PDE6C: variants seen among roughly 807,000 people sequenced by gnomAD.
PDE6C encodes phosphodiesterase 6C.
PDE6C carries 75 observed loss-of-function variants against 113.1 expected under a neutral mutation model. The observed-to-expected ratio is 0.66, with a 90% CI of 0.55 to 0.80. PDE6C has a LOEUF of 0.80. PDE6C is among the 30% of genes least tolerant of loss of function. The probability of loss-of-function intolerance (pLI) is 0.00; values close to 1 mark genes in which losing one functional copy is unlikely to be tolerated. For missense variants in PDE6C, 912 were observed against 1,038.6 expected (o/e 0.88, Z 1.67); for synonymous variants, 375 against 363.7 (o/e 1.03, Z -0.35).
intron 16 of PDE6C, among the ~76,000 whole-genome samples, chr10:93,657,328 A>ATTTTTTTTTTTTTTTTT (rs71031526): frequency 1.1e-5 from 1 of 88,286 alleles, no homozygotes; most frequent in Non-Finnish European, 2.0e-5. Flanking sequence ...CGCCTGGCTA[A>ATTTTTTTTTTTTTTTTT]TTTTTTTTTT....
chr10:93,662,735 C>A (rs115410399), intron 20 of PDE6C, 92 bp downstream of exon 20: 18 of 743,700 alleles, frequency 2.4e-5, no homozygotes, highest in Non-Finnish European at 3.9e-5. Flanking sequence ...GTCACCCATA[C>A]GGAAAGCCAT....
intron 11 of PDE6C, among the ~76,000 whole-genome samples, chr10:93,638,702 C>T (rs2134610023): frequency 6.6e-6 from 1 of 152,270 alleles, no homozygotes; most frequent in Admixed American, 6.5e-5. Context: ...GAGGAGTTCT[C>T]CAAAATTATC....
intron 10 of PDE6C, among the ~76,000 whole-genome samples, chr10:93,636,368 TTGTGTGTGTGTGTG>T (rs56143950): frequency 1.4e-5 from 2 of 141,256 alleles, no homozygotes; most frequent in Non-Finnish European, 3.0e-5. Flanking sequence ...TTCCCTGGCT[TTGTGTGTGTGTGTG>T]TGTGTGTGTG....
At chr10:93,641,770 C>A (rs951634767) in intron 14 of PDE6C, among the ~76,000 whole-genome samples, 2 of 152,204 alleles carry the variant, frequency 1.3e-5, no homozygotes, top group African/African-American at 4.8e-5. Flanking sequence ...CTACCCTTCA[C>A]CTCCCTGGTC....
At chr10:93,635,790 T>C (rs965384021) in intron 10 of PDE6C, 150 bp downstream of exon 10, 1 of 832,678 alleles carries the variant, frequency 1.2e-6, no homozygotes, top group South Asian at 1.5e-5. Context: ...GAAGAAGACA[T>C]GGATGGCCCA....
intron 16 of PDE6C, among the ~76,000 whole-genome samples, chr10:93,658,169 C>CAAAAAAAAAAA (rs71031527): frequency 8.3e-5 from 5 of 59,884 alleles, no homozygotes; most frequent in African/African-American, 1.9e-4. Context: ...GATTCTGTCT[C>CAAAAAAAAAAA]AAAAAAAAAA....
chr10:93,659,074 T>TA (rs767229024), intron 17 of PDE6C, 30 bp from the exon 18 acceptor site: 1 of 1,590,938 alleles, frequency 6.3e-7, no homozygotes, highest in Non-Finnish European at 8.6e-7. Flanking sequence ...TACTTATTTC[T>TA]ATTTTAAAAT....
intron 5 of PDE6C, 111 bp from the exon 6 acceptor site, chr10:93,626,529 G>A (rs1389379626): frequency 1.5e-6 from 1 of 680,724 alleles, no homozygotes; most frequent in South Asian, 1.7e-5. Flanking sequence ...AATATAATGT[G>A]GTTGGGAAAT....
chr10:93,658,102 C>T (rs531338327), intron 16 of PDE6C, among the ~76,000 whole-genome samples: 1 of 125,076 alleles, frequency 8.0e-6, no homozygotes, highest in Admixed American at 9.9e-5. Context: ...CCTAGGAGTT[C>T]AAGGTTCCAG....
chr10:93,636,018 G>C (rs1250156962), intron 10 of PDE6C, among the ~76,000 whole-genome samples: 1 of 152,148 alleles, frequency 6.6e-6, no homozygotes, highest in Non-Finnish European at 1.5e-5. Context: ...TCACATTTGT[G>C]GGTTGACCAG....
intron 1 of PDE6C, among the ~76,000 whole-genome samples, chr10:93,617,040 C>T (rs1589692011): frequency 6.6e-6 from 1 of 152,104 alleles, no homozygotes; most frequent in Non-Finnish European, 1.5e-5. Context: ...GTTTAAAAGT[C>T]CTCCTTCCTC....
In PDE6C at chr10:93,635,597, T is replaced by C; in HGVS notation, c.1370T>C (p.Met457Thr). 1.2e-6 allele frequency: 2 copies of C among 1,614,074 alleles called. No homozygotes were observed. The highest frequency in any genetic ancestry group is 1.7e-6 in the Non-Finnish European group (2 of 1,179,912). ...NRKDIAQEML[M>T]NQTKATPEEI... ...AAGGACATTGCTCAGGAAATGCTCATGAACCAAACCAAAGCCACTCCTGAA... is the reference window on the plus strand; with the variant it reads ...AAGGACATTGCTCAGGAAATGCTCACGAACCAAACCAAAGCCACTCCTGAA... The change falls in exon 10 of 22, where the codon ATG (methionine) becomes ACG (threonine). Residue 457 changes from methionine to threonine, a missense_variant. Coordinates refer to ENST00000371447, the MANE Select transcript of PDE6C (RefSeq NM_006204.4).
chr10:93,654,923 T>A (rs1277996974), intron 15 of PDE6C, among the ~76,000 whole-genome samples: 1 of 151,752 alleles, frequency 6.6e-6, no homozygotes, highest in East Asian at 1.9e-4. Flanking sequence ...TCCTACCACC[T>A]TGGCCTCCTG....
rs1226549067 is a variant in PDE6C, at chr10:93,665,682, A to G, written c.*264A>G. On this transcript the variant is annotated 3_prime_UTR_variant, in exon 22 of 22. Transcript: ENST00000371447. ...AATATGCAATCCTGAAACTAGTCACAAATTCTTTTTTAAAACATTAATTGT... is the reference window on the plus strand; with the variant it reads ...AATATGCAATCCTGAAACTAGTCACGAATTCTTTTTTAAAACATTAATTGT... The G allele has an allele frequency of 2.1e-6, 1 of 468,664 alleles. No homozygotes were observed. Among genetic ancestry groups the G allele is most frequent in the African/African-American group, 2.0e-5 (1 of 50,742 alleles). The allele number at this position is 468,664 out of a possible 1,614,324, so 29.0% of individuals were successfully genotyped here. A position where few individuals can be genotyped will look rare whatever the true frequency, so the allele number is the denominator to read the frequency against.
chr10:93,613,012 G>A lies in PDE6C; in HGVS notation c.287G>A (p.Cys96Tyr), dbSNP rs1477611102. ...RLAHLLQADR[C>Y]SMFLCRSRNG... ...GCCCACCTGCTCCAGGCTGACCGCT[G>A]CAGCATGTTCCTGTGCCGGTCCCGG... Residue 96 changes from cysteine (C) to tyrosine (Y), a missense_variant, in exon 1 of 22, where the codon TGC (cysteine) becomes TAC (tyrosine). Physicochemically the swap from Cys to Tyr is radical, Grantham distance 194 (BLOSUM62 -2). Coordinates refer to ENST00000371447, the MANE Select transcript of PDE6C (RefSeq NM_006204.4). 1 of 1,614,150 alleles carries A rather than the reference G, an allele frequency of 6.2e-7. No individual in the cohort carries two copies. The highest frequency in any genetic ancestry group is 1.3e-5 in the African/African-American group (1 of 75,064).
At chr10:93,630,283 G>T (rs1044643340) in intron 8 of PDE6C, among the ~76,000 whole-genome samples, 5 of 151,924 alleles carry the variant, frequency 3.3e-5, no homozygotes, top group African/African-American at 9.7e-5. Flanking sequence ...CCCCATCAGG[G>T]CTTCCTGCTG....
intron 16 of PDE6C, among the ~76,000 whole-genome samples, chr10:93,656,609 A>T (rs1241239350): frequency 2.0e-5 from 3 of 152,032 alleles, no homozygotes; most frequent in South Asian, 4.1e-4. Flanking sequence ...TCACTCTGTC[A>T]CCTGGGCTGG....
intron 1 of PDE6C, among the ~76,000 whole-genome samples, chr10:93,618,088 G>A (rs1042859478): frequency 6.6e-6 from 1 of 152,144 alleles, no homozygotes; most frequent in Non-Finnish European, 1.5e-5. Flanking sequence ...TGGCCTTCTG[G>A]AGGAAGGGTG....
At chr10:93,645,553 T>A (rs2058580140) in intron 14 of PDE6C, among the ~76,000 whole-genome samples, 1 of 152,188 alleles carries the variant, frequency 6.6e-6, no homozygotes. Flanking sequence ...GAGATACATT[T>A]ATCTCACTGT....
Sources: gnomAD v4.1 joint callset for allele counts (sites outside exome capture counted in the v4.1 genomes callset) on GRCh38, gnomAD v4.1.1 for gene constraint, MANE v1.5 for transcripts, NCBI Gene and HGNC (gene_info 2026-07-23, HGNC 2026-07-21) for gene names.